The following ITGA1 variants were observed in gnomAD, a reference collection of about 807,000 sequenced individuals.
The protein encoded by ITGA1 is integrin alpha-1.
Under a neutral mutation model 145.9 loss-of-function variants are expected in ITGA1, and 85 were observed. The ratio of observed to expected loss-of-function variants is 0.58; its 90% CI spans 0.49 to 0.70. The LOEUF is 0.70. Ranked by LOEUF, ITGA1 falls within the 30% of genes least tolerant of loss-of-function variation. ITGA1 has a pLI of 0.00. For missense variants in ITGA1, 1,351 were observed against 1,418.7 expected (o/e 0.95, Z 0.77); for synonymous variants, 520 against 495.3 (o/e 1.05, Z -0.66).
intron 8 of ITGA1, chr5:52,889,948 T>C (rs1476808794): frequency 6.6e-6 from 1 of 152,180 alleles, no homozygotes; most frequent in Non-Finnish European, 1.5e-5. Flanking sequence ...TCCTTTATTT[T>C]TTGGATTCCA....
Position 52,910,267 on chromosome 5 carries a change from G to A in ITGA1, c.1705G>A (p.Ala569Thr). 1 of 1,613,992 alleles carries A rather than the reference G, an allele frequency of 6.2e-7. No individual in the cohort carries two copies. The highest frequency in any genetic ancestry group is 8.5e-7 in the Non-Finnish European group (1 of 1,179,946). ...AGAAAACAAAAATGAGCCATGCGGG[G>A]CTCGTTTTGGAACTGCAATTGCTGC... ...TTENKNEPCGARFGTAIAAVK... is the reference protein window; with the variant it reads ...TTENKNEPCGTRFGTAIAAVK... The change falls in exon 14 of 29, where the codon GCT becomes ACT. Residue 569 changes from alanine (A) to threonine (T), a missense_variant. Coordinates refer to ENST00000282588, the MANE Select transcript of ITGA1 (RefSeq NM_181501.2).
intron 1 of ITGA1, among the ~76,000 whole-genome samples, chr5:52,839,793 G>T (rs1261481425): frequency 6.6e-6 from 1 of 152,060 alleles, no homozygotes; most frequent in Non-Finnish European, 1.5e-5. Flanking sequence ...ATTTCCACTG[G>T]AATTATTAAA....
intron 11 of ITGA1, 31 bp downstream of exon 11, chr5:52,898,414 G>A: frequency 6.5e-7 from 1 of 1,542,212 alleles, no homozygotes. Flanking sequence ...TAAAAGAGTT[G>A]TTTTACTTTT....
intron 1 of ITGA1, among the ~76,000 whole-genome samples, chr5:52,804,710 C>T (rs185612086): frequency 1.2e-3 from 185 of 152,244 alleles, no homozygotes; most frequent in Non-Finnish European, 2.1e-3. Context: ...ACATATGAAA[C>T]GGTCTGTACA....
At chr5:52,928,155 CAG>C (rs1462383501) in intron 20 of ITGA1, among the ~76,000 whole-genome samples, 1 of 152,126 alleles carries the variant, frequency 6.6e-6, no homozygotes, top group Non-Finnish European at 1.5e-5. Flanking sequence ...TTATAAATAA[CAG>C]AAACATATTT....
At chr5:52,895,695 CTACACCA>C (rs1434824740) in intron 9 of ITGA1, among the ~76,000 whole-genome samples, 1 of 152,056 alleles carries the variant, frequency 6.6e-6, no homozygotes, top group Non-Finnish European at 1.5e-5. Context: ...TCTAACCTAA[CTACACCA>C]TGGATTAAAG....
intron 6 of ITGA1, among the ~76,000 whole-genome samples, chr5:52,879,676 T>C (rs1020243808): frequency 1.3e-5 from 2 of 152,178 alleles, no homozygotes; most frequent in African/African-American, 4.8e-5. Context: ...TTATCCACTT[T>C]ATTATTTTTG....
intron 1 of ITGA1, among the ~76,000 whole-genome samples, chr5:52,797,462 A>G (rs1001885487): frequency 6.6e-6 from 1 of 151,956 alleles, no homozygotes; most frequent in Non-Finnish European, 1.5e-5. Context: ...GCTGGACAGA[A>G]GGAAAAAAAA....
chr5:52,841,265 A>C (rs962943841), intron 1 of ITGA1, among the ~76,000 whole-genome samples: 1 of 152,144 alleles, frequency 6.6e-6, no homozygotes, highest in Non-Finnish European at 1.5e-5. Context: ...ACTGAGTTGG[A>C]TATATTATTT....
chr5:52,893,615 G>T lies in ITGA1; in HGVS notation c.925-60G>T. On this transcript the variant is annotated intron_variant, in intron 8 of 28. Transcript: ENST00000282588. Reference sequence around the variant, plus strand: ...TGTTGTTTACTGACAAAATGCTTGAGATCCTTTATTTAACACATAGAATTT... The same window carrying T: ...TGTTGTTTACTGACAAAATGCTTGATATCCTTTATTTAACACATAGAATTT... 2.1e-6 allele frequency: 3 copies of T among 1,463,326 alleles called. No individual in the cohort carries two copies. The South Asian group carries it at 3.9e-5, about 19-fold the overall frequency. The allele number at this position is 1,463,326 out of a possible 1,614,324, so 90.6% of individuals were successfully genotyped here. A position where few individuals can be genotyped will look rare whatever the true frequency, so the allele number is the denominator to read the frequency against.
At chr5:52,798,622 G>A (rs1207966826) in intron 1 of ITGA1, among the ~76,000 whole-genome samples, 1 of 152,094 alleles carries the variant, frequency 6.6e-6, no homozygotes, top group African/African-American at 2.4e-5. Context: ...AGGGTAGCAG[G>A]GGGAAAATAG....
chr5:52,876,965 T>A (rs1008897589), intron 6 of ITGA1, among the ~76,000 whole-genome samples: 1 of 151,876 alleles, frequency 6.6e-6, no homozygotes, highest in Non-Finnish European at 1.5e-5. Flanking sequence ...AGGAGTGGAG[T>A]TCATATTGGG....
chr5:52,856,343 A>C (rs1432309801), intron 2 of ITGA1, among the ~76,000 whole-genome samples: 1 of 152,096 alleles, frequency 6.6e-6, no homozygotes, highest in Non-Finnish European at 1.5e-5. Context: ...ACTTTTCATC[A>C]GTTATCCTAG....
At chr5:52,795,221 T>C (rs981598774) in intron 1 of ITGA1, among the ~76,000 whole-genome samples, 1 of 151,738 alleles carries the variant, frequency 6.6e-6, no homozygotes, top group Non-Finnish European at 1.5e-5. Context: ...CAAAGACAAA[T>C]AAAAGGTAGT....
In ITGA1 at chr5:52,952,451, A is replaced by T; in HGVS notation, c.3540A>T (p.Ter1180CysextTer4). 7.4e-7 allele frequency: 1 copy of T among 1,357,338 alleles called. No homozygotes were observed. Among genetic ancestry groups the T allele is most frequent in the Non-Finnish European group, 1.0e-6 (1 of 982,904 alleles). 84.1% of individuals were successfully genotyped at this position (1,357,338 alleles called of 1,614,324 possible). A position where few individuals can be genotyped will look rare whatever the true frequency, so the allele number is the denominator to read the frequency against. The change falls in exon 29 of 29, where the codon TGA becomes TGT. Residue 1180 changes from the stop codon to cysteine (C), a stop_lost. Transcript: ENST00000282588. ...CACTGAAAAAGAAAATGGAGAAATG[A>T]AATATTTTATGAAAGAAAATAATAA... ...KRPLKKKMEK[*>C]
Position 52,956,295 on chromosome 5 carries a change from G to A in ITGA1, c.*3844G>A, listed in dbSNP as rs1751304050. 1 of 152,190 alleles carries A rather than the reference G, an allele frequency of 6.6e-6. No individual in the cohort carries two copies. The highest frequency in any genetic ancestry group is 2.4e-5 in the African/African-American group (1 of 41,434). 9.4% of individuals were successfully genotyped at this position (152,190 alleles called of 1,614,324 possible). On this transcript the variant is annotated 3_prime_UTR_variant, in exon 29 of 29. Coordinates refer to ENST00000282588, the MANE Select transcript of ITGA1 (RefSeq NM_181501.2). ...CACAACATTGAGAAACAGGCCCAGA[G>A]CCTGTCTCATGTGCCAGGTGCAGTC...
chr5:52,808,982 T>C (rs1366645708), intron 1 of ITGA1, among the ~76,000 whole-genome samples: 1 of 152,118 alleles, frequency 6.6e-6, no homozygotes, highest in Non-Finnish European at 1.5e-5. Context: ...CAAGGAACAA[T>C]GCAGGATTCA....
At chr5:52,820,827 A>G (rs942564826) in intron 1 of ITGA1, among the ~76,000 whole-genome samples, 8 of 152,164 alleles carry the variant, frequency 5.3e-5, no homozygotes, top group Non-Finnish European at 8.8e-5. Flanking sequence ...ATTGGCTTTA[A>G]CAAGAGCATA....
chr5:52,882,090 G>T (rs550573646), intron 7 of ITGA1, 69 bp downstream of exon 7: 4 of 1,325,060 alleles, frequency 3.0e-6, no homozygotes, highest in African/African-American at 1.5e-5. Context: ...TAGCCTTTTG[G>T]CATATCAATT....
Sources: allele counts gnomAD v4.1 joint callset (sites outside exome capture counted in the v4.1 genomes callset), GRCh38; gene constraint gnomAD v4.1.1; transcripts MANE v1.5; gene names NCBI Gene and HGNC (gene_info 2026-07-23, HGNC 2026-07-21).